Variants in RYR3 observed in about 807,000 individuals in gnomAD.
RYR3 encodes ryanodine receptor 3.
A neutral mutation model predicts 584.3 loss-of-function variants in RYR3; 207 were observed. The observed-to-expected ratio is 0.35, with a 90% CI of 0.32 to 0.40. The LOEUF (loss-of-function observed/expected upper bound fraction) is 0.40, where lower values mean the gene tolerates loss of function less well. Among genes scored for constraint, RYR3 ranks in the 10% least tolerant of loss-of-function variants. The pLI is 1.00. For synonymous variants in RYR3, 2,416 were observed against 2,248.5 expected, an observed-to-expected ratio of 1.07 and a Z score of -2.11; for missense variants, 5,616 against 6,089.2, an observed-to-expected ratio of 0.92 and a Z score of 2.59.
chr15:33,355,735 A>G (rs1365423100), intron 1 of RYR3, among the ~76,000 whole-genome samples: 1 of 152,162 alleles, frequency 6.6e-6, no homozygotes, highest in Non-Finnish European at 1.5e-5. Context: ...CCAGAAGAAG[A>G]TGGCTGCTTC....
At chr15:33,587,908 G>C (rs2058937798) in intron 16 of RYR3, among the ~76,000 whole-genome samples, 1 of 152,164 alleles carries the variant, frequency 6.6e-6, no homozygotes, top group African/African-American at 2.4e-5. Context: ...TCTTTGCTTG[G>C]AAAATGCCAA....
intron 8 of RYR3, among the ~76,000 whole-genome samples, chr15:33,544,857 C>G (rs1397918456): frequency 7.8e-6 from 1 of 128,196 alleles, no homozygotes; most frequent in African/African-American, 2.6e-5. Context: ...TGGCACTGGT[C>G]CGGCGGTTGA....
intron 1 of RYR3, among the ~76,000 whole-genome samples, chr15:33,417,799 G>A (rs188813997): frequency 1.4e-4 from 22 of 152,120 alleles, no homozygotes; most frequent in East Asian, 1.2e-3. Context: ...TTGCCCCTTC[G>A]GTATGATAAT....
Position 33,748,119 on chromosome 15 carries a change from G to A in RYR3, c.7995G>A (p.Lys2665=). The A allele has an allele frequency of 6.2e-7, 1 of 1,613,660 alleles. No individual in the cohort carries two copies. The highest frequency in any genetic ancestry group is 8.5e-7 in the Non-Finnish European group (1 of 1,179,860). The stretch of plus-strand genomic sequence containing the variant: ...CTGCTCAAATTCTCTTCTAGGAGAA[G>A]GAAATTTATCGCTGGCCTGCGCGAG... ...RPFKTLTEKE[K]EIYRWPARES... Residue 2665 remains lysine (K), a synonymous_variant, in exon 54 of 104, where the codon AAG becomes AAA. Transcript: ENST00000634891.
intron 70 of RYR3, among the ~76,000 whole-genome samples, chr15:33,810,127 T>C (rs1249409509): frequency 6.6e-6 from 1 of 152,216 alleles, no homozygotes; most frequent in African/African-American, 2.4e-5. Context: ...AGCATCAGAA[T>C]TCTCAGAACT....
chr15:33,855,004 A>G, intron 98 of RYR3, 92 bp downstream of exon 98: 2 of 1,276,654 alleles, frequency 1.6e-6, no homozygotes, highest in Non-Finnish European at 1.0e-6. Flanking sequence ...ACAGGAAGGA[A>G]TATGTCTTGG....
chr15:33,811,061 G>A, intron 72 of RYR3, 24 bp downstream of exon 72: 1 of 1,593,566 alleles, frequency 6.3e-7, no homozygotes, highest in Non-Finnish European at 8.6e-7. Flanking sequence ...ACAGCAGTGA[G>A]AACTCACACC....
Position 33,311,206 on chromosome 15 carries a change from C to A in RYR3, c.51+110C>A, listed in dbSNP as rs1967212345. 1 of 785,866 alleles carries A rather than the reference C, an allele frequency of 1.3e-6. No individual in the cohort carries two copies. Among genetic ancestry groups the A allele is most frequent in the Non-Finnish European group, 1.8e-6 (1 of 554,058 alleles). The allele number at this position is 785,866 out of a possible 1,614,324, so 48.7% of individuals were successfully genotyped here. On this transcript the variant is annotated intron_variant, in intron 1 of 103. Coordinates refer to ENST00000634891, the MANE Select transcript of RYR3 (RefSeq NM_001036.6). This position sits in a 1 kb window ranked among gnomAD's most constrained non-coding sequence, Gnocchi z 4.4. Reference sequence around the variant, plus strand: ...GCGGTGCCGGGTGCCCGGTGCCGGGCGCTTTCTCCGCACCCGCGGGCTGCA... The same window carrying A: ...GCGGTGCCGGGTGCCCGGTGCCGGGAGCTTTCTCCGCACCCGCGGGCTGCA...
chr15:33,524,208 T>C (rs2054228719), intron 3 of RYR3, among the ~76,000 whole-genome samples: 1 of 152,230 alleles, frequency 6.6e-6, no homozygotes, highest in Admixed American at 6.5e-5. Context: ...AATTCAGTGG[T>C]TCGGCAGCCA....
intron 16 of RYR3, among the ~76,000 whole-genome samples, chr15:33,599,018 G>A (rs1452442106): frequency 4.0e-5 from 6 of 151,678 alleles, no homozygotes; most frequent in East Asian, 2.0e-4. Context: ...TCGAGCCACC[G>A]AACTCCAGCC....
At chr15:33,665,056 A>G (rs2063418729) in intron 36 of RYR3, among the ~76,000 whole-genome samples, 2 of 152,218 alleles carry the variant, frequency 1.3e-5, no homozygotes, top group Admixed American at 1.3e-4. Context: ...TATTTTTCCA[A>G]GAATTACTCC....
chr15:33,754,993 T>A, intron 57 of RYR3, 72 bp from the exon 58 acceptor site: 1 of 783,070 alleles, frequency 1.3e-6, no homozygotes, highest in Admixed American at 2.1e-5. Flanking sequence ...TCAACACTGG[T>A]AGGACTGGTG....
Position 33,696,235 on chromosome 15 carries a change from A to G in RYR3, c.5878A>G (p.Ile1960Val). The part of the protein sequence containing the change: ...ERCPTTLKEL[I>V]SQTMICWAQE... ...CCTTCCAGCAACATTGAAGGAACTC[A>G]TCTCACAGACGATGATCTGCTGGGC... is the stretch of plus-strand genomic sequence containing the variant. Residue 1960 changes from isoleucine (I) to valine (V), a missense_variant, in exon 39 of 104, where the codon ATC (isoleucine) becomes GTC (valine). Around this residue, in one of 9 missense-constraint regions of RYR3, gnomAD observed 1,280 missense variants for 1,426.2 expected, o/e 0.90. Coordinates refer to ENST00000634891, the MANE Select transcript of RYR3 (RefSeq NM_001036.6). 1 of 1,613,574 alleles carries G rather than the reference A, an allele frequency of 6.2e-7. No homozygotes were observed. The highest frequency in any genetic ancestry group is 8.5e-7 in the Non-Finnish European group (1 of 1,179,728).
rs202239709 is a variant in RYR3, at chr15:33,664,575, A to G, written c.5619+838A>G. Among the ~76,000 whole-genome samples, 174 of 98,648 alleles carry G rather than the reference A, an allele frequency of 1.8e-3. 3 individuals carry two copies. Among genetic ancestry groups the G allele is most frequent in the Non-Finnish European group, 2.6e-3 (124 of 48,196 alleles). The allele number at this position is 98,648 out of a possible 152,430, so 64.7% of individuals were successfully genotyped here. On this transcript the variant is annotated intron_variant, in intron 36 of 103. Coordinates refer to ENST00000634891, the MANE Select transcript of RYR3 (RefSeq NM_001036.6). Reference sequence around the variant, plus strand: ...TTTATACACATATATATATAGATATATGTGTGTGTGTGTGTATATATATAT... The same window carrying G: ...TTTATACACATATATATATAGATATGTGTGTGTGTGTGTGTATATATATAT...
chr15:33,679,202 T>C (rs1470289693), intron 38 of RYR3, among the ~76,000 whole-genome samples: 3 of 142,084 alleles, frequency 2.1e-5, no homozygotes, highest in Admixed American at 7.1e-5. Flanking sequence ...GAGGGTGTTA[T>C]TGCATCACCT....
chr15:33,750,113 A>G (rs771341725), intron 56 of RYR3, 50 bp from the exon 57 acceptor site: 5 of 1,607,462 alleles, frequency 3.1e-6, no homozygotes, highest in East Asian at 2.2e-5. Context: ...ATGGTCTCCC[A>G]GAAGTGCAAA....
intron 1 of RYR3, among the ~76,000 whole-genome samples, chr15:33,448,135 CTT>C (rs1365621947): frequency 6.6e-6 from 1 of 152,212 alleles, no homozygotes; most frequent in Non-Finnish European, 1.5e-5. Flanking sequence ...TTTCTTCTCT[CTT>C]GTCTTGGTTC....
chr15:33,580,129 T>C lies in RYR3; in HGVS notation c.1422T>C (p.Asn474=), dbSNP rs1168003050. Residue 474 remains asparagine (N), a synonymous_variant, in exon 13 of 104, where the codon AAT becomes AAC. Coordinates refer to ENST00000634891, the MANE Select transcript of RYR3 (RefSeq NM_001036.6). ...NKLRSLKNRQ[N]LFKEEGMLAL... is the part of the protein sequence containing the mutation. ...TCCGCTCACTCAAAAACAGACAAAA[T>C]CTTTTCAAGGAAGAGGTAAGTCGAA... 3 of 1,606,640 alleles carry C rather than the reference T, an allele frequency of 1.9e-6. No homozygotes were observed. Among genetic ancestry groups the C allele is most frequent in the African/African-American group, 2.7e-5 (2 of 74,662 alleles).
At chr15:33,747,419 C>CTTTTT (rs397854038) in intron 53 of RYR3, among the ~76,000 whole-genome samples, 3 of 71,910 alleles carry the variant, frequency 4.2e-5, no homozygotes, top group Admixed American at 1.7e-4. Flanking sequence ...TGTTGTCACC[C>CTTTTT]TTTTTTTTTT....
Sources: allele counts gnomAD v4.1 joint callset (sites outside exome capture counted in the v4.1 genomes callset), GRCh38; gene constraint gnomAD v4.1.1; regional missense constraint gnomAD v4.1.1; non-coding constraint Gnocchi (gnomAD v3.1); transcripts MANE v1.5; gene names NCBI Gene and HGNC (gene_info 2026-07-23, HGNC 2026-07-21).